CHRNA7: variants seen among roughly 807,000 people sequenced by gnomAD.
The protein encoded by CHRNA7 is cholinergic receptor nicotinic alpha 7 subunit.
In CHRNA7, 17 loss-of-function variants were observed where a neutral mutation model predicts 48.0. The observed-to-expected ratio is 0.35, with a 90% CI of 0.24 to 0.53. The LOEUF (loss-of-function observed/expected upper bound fraction) is 0.53. CHRNA7 is among the 20% of genes least tolerant of loss of function. The pLI, the probability that CHRNA7 is intolerant of heterozygous loss-of-function variation, is 0.92. For synonymous variants in CHRNA7, 75 were observed against 242.3 expected, an observed-to-expected ratio of 0.31 and a Z score of 6.41; for missense variants, 155 against 577.7, an observed-to-expected ratio of 0.27 and a Z score of 7.50.
chr15:32,084,197 ACTGC>A (rs2050259336), intron 2 of CHRNA7, among the ~76,000 whole-genome samples: 1 of 152,216 alleles, frequency 6.6e-6, no homozygotes, highest in Non-Finnish European at 1.5e-5. Flanking sequence ...ATGTTGGAAA[ACTGC>A]AAGTTTAATC....
chr15:32,111,306 A>G (rs1425871061), intron 3 of CHRNA7: 1 of 152,586 alleles, frequency 6.6e-6, no homozygotes, highest in Non-Finnish European at 1.5e-5. Context: ...TTCAAATCTG[A>G]AAACATTCCT....
chr15:32,074,482 C>G (rs1179198853), intron 2 of CHRNA7, among the ~76,000 whole-genome samples: 1 of 150,972 alleles, frequency 6.6e-6, no homozygotes, highest in African/African-American at 2.4e-5. Context: ...TATTTTACTA[C>G]TAAATATAAC....
chr15:32,046,853 G>A (rs897318985), intron 2 of CHRNA7, among the ~76,000 whole-genome samples: 1 of 151,860 alleles, frequency 6.6e-6, no homozygotes, highest in African/African-American at 2.4e-5. Context: ...TGTATAAGGT[G>A]TAAGGAAGGG....
At chr15:32,094,529 G>T (rs894741250) in intron 2 of CHRNA7, among the ~76,000 whole-genome samples, 1 of 152,158 alleles carries the variant, frequency 6.6e-6, no homozygotes, top group Non-Finnish European at 1.5e-5. Context: ...ATAGGCAGCC[G>T]CAGATAGTGA....
chr15:32,135,266 A>G (rs1003134993), intron 4 of CHRNA7, among the ~76,000 whole-genome samples: 1 of 152,238 alleles, frequency 6.6e-6, no homozygotes, highest in African/African-American at 2.4e-5. Context: ...TTCAGAAAAC[A>G]GGTAAAGTTA....
intron 2 of CHRNA7, 163 bp from the exon 3 acceptor site, chr15:32,101,140 A>G: frequency 1.6e-6 from 1 of 645,022 alleles, no homozygotes; most frequent in Admixed American, 3.6e-5. Context: ...GAAAAGCTTA[A>G]CTCTAGGGAA....
At chr15:32,140,838 T>C (rs539490729) in intron 4 of CHRNA7, among the ~76,000 whole-genome samples, 14 of 152,296 alleles carry the variant, frequency 9.2e-5, no homozygotes, top group African/African-American at 3.4e-4. Context: ...GTCAGATGGG[T>C]AGATTGCAAA....
chr15:32,140,578 A>G (rs532958124), intron 4 of CHRNA7, among the ~76,000 whole-genome samples: 2 of 152,276 alleles, frequency 1.3e-5, no homozygotes, highest in East Asian at 3.9e-4. Context: ...CCTCTCTAGC[A>G]TCTGTTGTTT....
intron 2 of CHRNA7, among the ~76,000 whole-genome samples, chr15:32,091,374 T>G (rs1367094026): frequency 6.6e-6 from 1 of 152,194 alleles, no homozygotes; most frequent in African/African-American, 2.4e-5. Context: ...TTTTTGTGGT[T>G]TGCTAATTTG....
At chr15:32,041,431 A>G (rs1411160522) in intron 2 of CHRNA7, among the ~76,000 whole-genome samples, 1 of 152,212 alleles carries the variant, frequency 6.6e-6, no homozygotes, top group South Asian at 2.1e-4. Context: ...TGTGAAATTC[A>G]CAATAGGGTT....
intron 4 of CHRNA7, among the ~76,000 whole-genome samples, chr15:32,152,177 G>A (rs2051643231): frequency 6.6e-6 from 1 of 151,854 alleles, no homozygotes; most frequent in Admixed American, 6.6e-5. Flanking sequence ...AGGCGCGGTG[G>A]CTCAGCCTGT....
chr15:32,098,807 T>C (rs1275492957), intron 2 of CHRNA7: 3 of 151,280 alleles, frequency 2.0e-5, no homozygotes, highest in Non-Finnish European at 2.9e-5. Context: ...TACCATTTGT[T>C]GTTATATGTT....
chr15:32,142,834 GGTCT>G (rs1161050101), intron 4 of CHRNA7, among the ~76,000 whole-genome samples: 8 of 151,880 alleles, frequency 5.3e-5, no homozygotes, highest in Non-Finnish European at 7.4e-5. Context: ...TCTTGCTAGC[GGTCT>G]GTCTATTTTG....
intron 6 of CHRNA7, 23 bp downstream of exon 6, chr15:32,157,798 T>A (rs2051772787): frequency 7.8e-7 from 1 of 1,283,042 alleles, no homozygotes; most frequent in Non-Finnish European, 1.1e-6. Context: ...ACTAACCGCC[T>A]GGAAGAAAGC....
At chr15:32,118,695 A>G (rs1052041190) in intron 4 of CHRNA7, among the ~76,000 whole-genome samples, 2 of 152,088 alleles carry the variant, frequency 1.3e-5, no homozygotes, top group Admixed American at 6.5e-5. Context: ...ATAATCACAC[A>G]CTGTTCTGGG....
In CHRNA7 at chr15:32,122,512, C is replaced by G. The variant is rs967027578; in HGVS notation, c.350+10613C>G. 2.0e-5 allele frequency among the ~76,000 whole-genome samples: 3 copies of G among 152,252 alleles called. No homozygotes were observed. The South Asian group carries it at 6.2e-4, about 32-fold the overall frequency. On this transcript the variant is annotated intron_variant, in intron 4 of 9. Coordinates refer to ENST00000306901, the MANE Select transcript of CHRNA7 (RefSeq NM_000746.6). Reference sequence around the variant, plus strand: ...TAAATTTTACATCCTTAGCTAATCACATTTTTGTGTTGTTTCCTTTATGGA... The same window carrying G: ...TAAATTTTACATCCTTAGCTAATCAGATTTTTGTGTTGTTTCCTTTATGGA...
chr15:32,072,222 TAA>T (rs1253232023), intron 2 of CHRNA7, among the ~76,000 whole-genome samples: 4 of 152,140 alleles, frequency 2.6e-5, no homozygotes, highest in African/African-American at 9.7e-5. Flanking sequence ...AAGTTGAACT[TAA>T]GAGTGATAAC....
chr15:32,149,041 A>G lies in CHRNA7; in HGVS notation c.351-4866A>G, dbSNP rs114465670. Among the ~76,000 whole-genome samples, 758 of 152,192 alleles carry G rather than the reference A, an allele frequency of 5.0e-3. 2 individuals carry two copies. The highest frequency in any genetic ancestry group is 0.017 in the African/African-American group (686 of 41,528). On this transcript the variant is annotated intron_variant, in intron 4 of 9. Transcript: ENST00000306901. This position sits in a 1 kb window ranked among gnomAD's most constrained non-coding sequence, Gnocchi z 4.6. ...GAGGGTAGGGCTCAGAGCTCTCCTC[A>G]CACCAAGAGTGGGCCCCAGTCATTG...
chr15:32,082,418 C>T (rs1462721734), intron 2 of CHRNA7, among the ~76,000 whole-genome samples: 7 of 151,326 alleles, frequency 4.6e-5, no homozygotes, highest in Non-Finnish European at 1.0e-4. Context: ...AATTTCTATT[C>T]TATCTTTGTG....
Sources: gnomAD v4.1 joint callset for allele counts (sites outside exome capture counted in the v4.1 genomes callset) on GRCh38, gnomAD v4.1.1 for gene constraint, Gnocchi (gnomAD v3.1) non-coding constraint, MANE v1.5 for transcripts, NCBI Gene and HGNC (gene_info 2026-07-23, HGNC 2026-07-21) for gene names.